The following NEGR1 variants were observed in gnomAD, a reference collection of about 807,000 sequenced individuals.
The protein encoded by NEGR1 is neuronal growth regulator 1.
A neutral mutation model predicts 40.9 loss-of-function variants in NEGR1; 10 were observed. That is an observed-to-expected ratio of 0.24 (90% CI 0.15 to 0.42). NEGR1 has a LOEUF of 0.42. Ranked by LOEUF, NEGR1 falls within the 10% of genes least tolerant of loss-of-function variation. The pLI, the probability that NEGR1 is intolerant of heterozygous loss-of-function variation, is 1.00. For synonymous variants in NEGR1, 185 were observed against 166.8 expected (o/e 1.11, Z -0.84); for missense variants, 352 against 438.9 (o/e 0.80, Z 1.77).
At chr1:72,279,856 C>T (rs1005202872) in intron 1 of NEGR1, among the ~76,000 whole-genome samples, 3 of 151,958 alleles carry the variant, frequency 2.0e-5, no homozygotes, top group Non-Finnish European at 4.4e-5. Context: ...TAAATGGATA[C>T]GTTAAATTAG....
chr1:72,011,034 TAAC>T (rs1411632822), intron 1 of NEGR1, among the ~76,000 whole-genome samples: 1 of 152,136 alleles, frequency 6.6e-6, no homozygotes, highest in Non-Finnish European at 1.5e-5. Flanking sequence ...AGGAATAAAG[TAAC>T]AAGAGAAAAA....
intron 1 of NEGR1, among the ~76,000 whole-genome samples, chr1:72,056,631 T>C (rs1418723191): frequency 1.3e-5 from 2 of 151,534 alleles, no homozygotes; most frequent in Non-Finnish European, 3.0e-5. Context: ...AAGAAACAAA[T>C]GTCTCCTTAT....
intron 1 of NEGR1, among the ~76,000 whole-genome samples, chr1:71,998,524 T>TA (rs1646525703): frequency 6.6e-6 from 1 of 151,772 alleles, no homozygotes; most frequent in Non-Finnish European, 1.5e-5. Flanking sequence ...AAATAAAAGA[T>TA]ACCTCATGCA....
intron 6 of NEGR1, chr1:71,422,542 G>A (rs1467065451): frequency 6.6e-6 from 1 of 152,178 alleles, no homozygotes; most frequent in East Asian, 1.9e-4. Flanking sequence ...ATAGTCGAAA[G>A]CTAAAGACAG....
At chr1:72,012,404 T>A (rs944493761) in intron 1 of NEGR1, among the ~76,000 whole-genome samples, 1 of 152,010 alleles carries the variant, frequency 6.6e-6, no homozygotes, top group Non-Finnish European at 1.5e-5. Flanking sequence ...TCACAGGACC[T>A]CCCTTGCTAC....
intron 6 of NEGR1, among the ~76,000 whole-genome samples, chr1:71,506,195 C>T (rs1414097673): frequency 2.0e-5 from 3 of 152,146 alleles, no homozygotes; most frequent in East Asian, 1.9e-4. Context: ...CCCAATCCCT[C>T]GCAATGGTCC....
chr1:72,024,868 C>T (rs983528701), intron 1 of NEGR1, among the ~76,000 whole-genome samples: 2 of 152,114 alleles, frequency 1.3e-5, no homozygotes, highest in Non-Finnish European at 2.9e-5. Flanking sequence ...AAGCTTACCT[C>T]TTTAAAAAGA....
chr1:72,073,437 A>G (rs910999040), intron 1 of NEGR1, among the ~76,000 whole-genome samples: 3 of 152,094 alleles, frequency 2.0e-5, no homozygotes, highest in Non-Finnish European at 4.4e-5. Flanking sequence ...TTATCTCTCT[A>G]TGTATCTGTG....
chr1:71,928,101 T>C (rs1164163392), intron 2 of NEGR1, among the ~76,000 whole-genome samples: 1 of 116,818 alleles, frequency 8.6e-6, no homozygotes, highest in Non-Finnish European at 1.7e-5. Flanking sequence ...TACACACATA[T>C]GTATATATAC....
chr1:71,709,973 G>A lies in NEGR1; in HGVS notation c.536-11834C>T, dbSNP rs1654026109. ...GACAACCCATAGAATGGGAGAAAAT[G>A]TTTGCAAAGTACCCCTCTGACAAGG... On this transcript the variant is annotated intron_variant, in intron 3 of 6. Coordinates refer to ENST00000357731, the MANE Select transcript of NEGR1 (RefSeq NM_173808.3). Among the ~76,000 whole-genome samples, 4 of 152,172 alleles carry A rather than the reference G, an allele frequency of 2.6e-5. No homozygotes were observed. In the South Asian group the frequency reaches 8.3e-4, roughly 31 times the overall value.
chr1:72,135,390 C>CAAAAAAAAAAAAAAAAAA (rs1650418478), intron 1 of NEGR1, among the ~76,000 whole-genome samples: 1 of 38,248 alleles, frequency 2.6e-5, no homozygotes, highest in Admixed American at 3.0e-4. Context: ...AAAAAAAAAA[C>CAAAAAAAAAAAAAAAAAA]AAAAAACAAA....
At chr1:72,125,287 C>T (rs989204217) in intron 1 of NEGR1, among the ~76,000 whole-genome samples, 3 of 151,974 alleles carry the variant, frequency 2.0e-5, no homozygotes, top group African/African-American at 7.2e-5. Context: ...TACATGGGCA[C>T]ATGTATTTCA....
intron 1 of NEGR1, among the ~76,000 whole-genome samples, chr1:72,195,065 C>A (rs756376906): frequency 2.6e-4 from 39 of 152,008 alleles, no homozygotes; most frequent in Admixed American, 5.3e-4. Context: ...TGCATCATGA[C>A]AATGAGGCAC....
intron 6 of NEGR1, among the ~76,000 whole-genome samples, chr1:71,420,610 A>G (rs1021836665): frequency 6.6e-6 from 1 of 152,186 alleles, no homozygotes; most frequent in South Asian, 2.1e-4. Flanking sequence ...AAGCATAACT[A>G]AATCAGAATC....
chr1:72,167,647 TTGAG>T (rs1001178205), intron 1 of NEGR1, among the ~76,000 whole-genome samples: 1 of 152,152 alleles, frequency 6.6e-6, no homozygotes, highest in African/African-American at 2.4e-5. Flanking sequence ...TTGAGATTTC[TTGAG>T]TATTTTCAAC....
intron 1 of NEGR1, among the ~76,000 whole-genome samples, chr1:72,030,329 C>T (rs921218997): frequency 4.6e-5 from 7 of 152,008 alleles, no homozygotes; most frequent in Admixed American, 1.3e-4. Context: ...GCCTCAGCCT[C>T]TGGAGTAGCT....
intron 6 of NEGR1, among the ~76,000 whole-genome samples, chr1:71,567,179 T>C (rs1648648441): frequency 6.6e-6 from 1 of 151,972 alleles, no homozygotes; most frequent in African/African-American, 2.4e-5. Flanking sequence ...CAACATTCTT[T>C]TCTTTTCTTT....
At chr1:71,948,487 G>GT (rs1004241997) in intron 1 of NEGR1, among the ~76,000 whole-genome samples, 51 of 143,854 alleles carry the variant, frequency 3.5e-4, no homozygotes, top group African/African-American at 1.3e-3. Flanking sequence ...AGGGGCGTGT[G>GT]TGTGTGTGTG....
intron 6 of NEGR1, among the ~76,000 whole-genome samples, chr1:71,532,734 A>T (rs1352199423): frequency 6.6e-6 from 1 of 151,614 alleles, no homozygotes; most frequent in Non-Finnish European, 1.5e-5. Flanking sequence ...GACGAGGACA[A>T]GTAACAGACA....
Sources: gnomAD v4.1 joint callset for allele counts (sites outside exome capture counted in the v4.1 genomes callset) on GRCh38, gnomAD v4.1.1 for gene constraint, MANE v1.5 for transcripts, NCBI Gene and HGNC (gene_info 2026-07-23, HGNC 2026-07-21) for gene names.